The following SCG5 variants were observed in gnomAD, a reference collection of about 807,000 sequenced individuals.
SCG5 encodes the protein secretogranin V.
A neutral mutation model predicts 25.7 loss-of-function variants in SCG5; 18 were observed. The observed-to-expected ratio is 0.70, with a 90% CI of 0.48 to 1.04. The LOEUF (loss-of-function observed/expected upper bound fraction) is 1.04, where lower values mean the gene tolerates loss of function less well. Among genes scored for constraint, SCG5 ranks in the 50% least tolerant of loss-of-function variants. SCG5 has a pLI of 0.00. For missense variants in SCG5, 206 were observed against 259.8 expected (o/e 0.79, Z 1.42); for synonymous variants, 101 against 91.7 (o/e 1.10, Z -0.58).
intron 2 of SCG5, among the ~76,000 whole-genome samples, chr15:32,668,482 C>T (rs1595804216): frequency 6.6e-6 from 1 of 152,206 alleles, no homozygotes; most frequent in African/African-American, 2.4e-5. Context: ...CATTCCCAAG[C>T]CGTGTACCCA....
rs759152849 is a variant in SCG5 at position 32,643,676 on chromosome 15, C to T, written c.84C>T (p.Ser28=). Residue 28 remains serine, a synonymous_variant, in exon 2 of 6, where the codon AGC becomes AGT. Transcript: ENST00000300175. The part of the protein sequence containing the change: ...ASGWTPAFAY[S]PRTPDRVSEA... ...GATGGACTCCAGCATTTGCTTACAG[C>T]CCCCGGACCCCTGACCGGGTCTCAG... 6 of 1,613,768 alleles carry T rather than the reference C, an allele frequency of 3.7e-6. No homozygotes were observed. Among genetic ancestry groups the T allele is most frequent in the Admixed American group, 3.3e-5 (2 of 60,004 alleles).
intron 4 of SCG5, among the ~76,000 whole-genome samples, chr15:32,685,549 T>C (rs56338436): frequency 0.25 from 37,334 of 152,144 alleles, 5,621 homozygotes; most frequent in Non-Finnish European, 0.35. Flanking sequence ...TCCACATTTT[T>C]ATCAATGTTT....
In SCG5 at chr15:32,643,574, T is replaced by G; in HGVS notation, c.-7-12T>G. 6.3e-7 allele frequency: 1 copy of G among 1,597,380 alleles called. No homozygotes were observed. Among genetic ancestry groups the G allele is most frequent in the Non-Finnish European group, 8.6e-7 (1 of 1,164,740 alleles). ...GTAGCCTATCAGTATACATTTGGTC[T>G]TTTATCTGCAGGTTGACAATGGTCT... On this transcript the variant is annotated splice_polypyrimidine_tract_variant and intron_variant, in intron 1 of 5. Coordinates refer to ENST00000300175, the MANE Select transcript of SCG5 (RefSeq NM_001144757.3).
chr15:32,645,069 C>T (rs539176587), intron 2 of SCG5, among the ~76,000 whole-genome samples: 110 of 152,350 alleles, frequency 7.2e-4, no homozygotes, highest in Middle Eastern at 3.4e-3. Context: ...TAGCACATGG[C>T]TTGAATTAGA....
chr15:32,663,035 AT>A (rs2054250685), intron 2 of SCG5, among the ~76,000 whole-genome samples: 1 of 3,610 alleles, frequency 2.8e-4, no homozygotes, highest in South Asian at 7.9e-3. Context: ...AAAAAAGAAT[AT>A]ATATATATAT....
chr15:32,695,011 CTTTT>C (rs10718630), intron 5 of SCG5, among the ~76,000 whole-genome samples: 1 of 123,638 alleles, frequency 8.1e-6, no homozygotes, highest in South Asian at 2.4e-4. Flanking sequence ...TTCTTTCTTT[CTTTT>C]TTTTTTTTTT....
At chr15:32,687,134 G>A (rs2054728171) in intron 4 of SCG5, among the ~76,000 whole-genome samples, 1 of 152,182 alleles carries the variant, frequency 6.6e-6, no homozygotes, top group African/African-American at 2.4e-5. Context: ...GGCATGATGA[G>A]GTGGGAGGGA....
intron 3 of SCG5, among the ~76,000 whole-genome samples, chr15:32,681,058 A>G (rs2054611691): frequency 6.6e-6 from 1 of 152,234 alleles, no homozygotes; most frequent in Non-Finnish European, 1.5e-5. Flanking sequence ...CACCTAGCAC[A>G]GAGTAAGGAC....
At chr15:32,656,680 A>C (rs2054122534) in intron 2 of SCG5, among the ~76,000 whole-genome samples, 1 of 152,184 alleles carries the variant, frequency 6.6e-6, no homozygotes, top group South Asian at 2.1e-4. Flanking sequence ...ATTTGGGTGG[A>C]TGGTGTTTCA....
At chr15:32,652,070 G>A (rs1289648918) in intron 2 of SCG5, among the ~76,000 whole-genome samples, 1 of 152,178 alleles carries the variant, frequency 6.6e-6, no homozygotes, top group Non-Finnish European at 1.5e-5. Context: ...GAAAGGAGAA[G>A]AACCAGAAAG....
At chr15:32,657,202 T>TAC (rs2140516901) in intron 2 of SCG5, among the ~76,000 whole-genome samples, 1 of 61,412 alleles carries the variant, frequency 1.6e-5, no homozygotes, top group South Asian at 6.5e-4. Context: ...TCCTCCTGTA[T>TAC]ATATATATAT....
At chr15:32,673,480 G>T (rs1284778212) in intron 2 of SCG5, among the ~76,000 whole-genome samples, 4 of 150,460 alleles carry the variant, frequency 2.7e-5, no homozygotes, top group Admixed American at 2.6e-4. Context: ...AGAATCTCAG[G>T]CCCCACCCTT....
intron 2 of SCG5, among the ~76,000 whole-genome samples, chr15:32,672,168 A>AT (rs2054437990): frequency 6.6e-6 from 1 of 152,238 alleles, no homozygotes; most frequent in Non-Finnish European, 1.5e-5. Flanking sequence ...CGTTCCCTTC[A>AT]GCTGAATGGC....
In SCG5 at chr15:32,696,729, A is replaced by G. The variant is rs2054975815; in HGVS notation, c.*120A>G. On this transcript the variant is annotated 3_prime_UTR_variant, in exon 6 of 6. Transcript: ENST00000300175. ...TTCTTACATAGATAATTATGGATAC[A>G]AAGCAGCTGTATGTAGATAGTGTAT... 1 of 656,664 alleles carries G rather than the reference A, an allele frequency of 1.5e-6. No individual in the cohort carries two copies. Among genetic ancestry groups the G allele is most frequent in the African/African-American group, 1.8e-5 (1 of 55,914 alleles). The allele number at this position is 656,664 out of a possible 1,614,324, so 40.7% of individuals were successfully genotyped here.
chr15:32,696,401 G>C (rs143291309), intron 5 of SCG5, 113 bp from the exon 6 acceptor site: 1 of 723,546 alleles, frequency 1.4e-6, no homozygotes, highest in Middle Eastern at 3.2e-4. Flanking sequence ...ACAGGCGTGA[G>C]CCACCGCGCC....
intron 3 of SCG5, among the ~76,000 whole-genome samples, chr15:32,680,309 C>T (rs1449338282): frequency 6.6e-6 from 1 of 151,312 alleles, no homozygotes; most frequent in Non-Finnish European, 1.5e-5. Context: ...CATTCTCCTG[C>T]CTCAGCCTCC....
At chr15:32,652,492 G>A (rs939788281) in intron 2 of SCG5, among the ~76,000 whole-genome samples, 8 of 152,174 alleles carry the variant, frequency 5.3e-5, no homozygotes, top group Non-Finnish European at 1.0e-4. Context: ...CAGAGAGGGA[G>A]AGTTGAAGAT....
intron 1 of SCG5, among the ~76,000 whole-genome samples, chr15:32,642,635 C>T (rs1025995452): frequency 2.4e-4 from 35 of 147,698 alleles, no homozygotes; most frequent in African/African-American, 8.3e-4. Context: ...CATCCAAACA[C>T]GTTAAGCAGC....
chr15:32,650,256 C>A (rs904429657), intron 2 of SCG5, among the ~76,000 whole-genome samples: 1 of 152,162 alleles, frequency 6.6e-6, no homozygotes, highest in African/African-American at 2.4e-5. Context: ...CGCCACCACA[C>A]CTGGCTAATT....
Sources: gnomAD v4.1 joint callset for allele counts (sites outside exome capture counted in the v4.1 genomes callset) on GRCh38, gnomAD v4.1.1 for gene constraint, MANE v1.5 for transcripts, NCBI Gene and HGNC (gene_info 2026-07-23, HGNC 2026-07-21) for gene names.